INPP4B: variants seen among roughly 807,000 people sequenced by gnomAD.
INPP4B encodes inositol polyphosphate-4-phosphatase type II B.
INPP4B carries 55 observed loss-of-function variants against 122.5 expected under a neutral mutation model. The ratio of observed to expected loss-of-function variants is 0.45; its 90% CI spans 0.36 to 0.56. INPP4B has a LOEUF of 0.56. Ranked by LOEUF, INPP4B falls within the 20% of genes least tolerant of loss-of-function variation. INPP4B has a pLI of 0.00. For synonymous variants in INPP4B, 403 were observed against 388.7 expected, an observed-to-expected ratio of 1.04 and a Z score of -0.43; for missense variants, 1,000 against 1,097.7, an observed-to-expected ratio of 0.91 and a Z score of 1.26.
chr4:142,499,279 A>G (rs1823045867), intron 2 of INPP4B, among the ~76,000 whole-genome samples: 1 of 152,172 alleles, frequency 6.6e-6, no homozygotes, highest in East Asian at 1.9e-4. Flanking sequence ...AGCAAATAAT[A>G]CAGCACTCAG....
intron 3 of INPP4B, among the ~76,000 whole-genome samples, chr4:142,460,807 T>G (rs937104189): frequency 1.3e-5 from 2 of 151,686 alleles, no homozygotes; most frequent in African/African-American, 4.8e-5. Flanking sequence ...AAACTTCTCT[T>G]CCAAAATAAG....
chr4:142,533,927 G>A (rs1329901066), intron 2 of INPP4B, among the ~76,000 whole-genome samples: 1 of 152,176 alleles, frequency 6.6e-6, no homozygotes, highest in Non-Finnish European at 1.5e-5. Flanking sequence ...CCAATGAAAT[G>A]TTAGTAGAAT....
chr4:142,190,721 T>A (rs1465554947), intron 15 of INPP4B, among the ~76,000 whole-genome samples: 3 of 142,314 alleles, frequency 2.1e-5, no homozygotes, highest in African/African-American at 8.1e-5. Context: ...TGTAAGAGTG[T>A]GTGTGTGTGT....
Position 142,824,958 on chromosome 4 carries a change from C to G in INPP4B, c.-254+21251G>C, listed in dbSNP as rs182485500. Among the ~76,000 whole-genome samples, 49 of 151,662 alleles carry G rather than the reference C, an allele frequency of 3.2e-4. No individual in the cohort carries two copies. The East Asian group carries it at 9.3e-3, about 29-fold the overall frequency. ...TTTTTTTAAGTTTTTTTCACTTTGG[C>G]ACTAGAGAATTTAAACTAGGAAATA... is the stretch of plus-strand genomic sequence containing the variant. On this transcript the variant is annotated intron_variant, in intron 1 of 25. Transcript: ENST00000262992.
chr4:142,121,745 A>C (rs1450441409), intron 21 of INPP4B, among the ~76,000 whole-genome samples: 2 of 152,116 alleles, frequency 1.3e-5, no homozygotes, highest in Non-Finnish European at 2.9e-5. Flanking sequence ...CTTTTAACTG[A>C]ATTTAATTTA....
rs199659353 is a variant in INPP4B at position 142,403,013 on chromosome 4, T to C, written c.297A>G (p.Pro99=). 22 of 1,611,566 alleles carry C rather than the reference T, an allele frequency of 1.4e-5. No individual in the cohort carries two copies. Among genetic ancestry groups the C allele is most frequent in the Admixed American group, 1.2e-4 (7 of 59,996 alleles). ...TCTCCTCATAGATGGGATACTCAGA[T>C]GGGAATGTGACACCAGTCAAAAACA... is the stretch of plus-strand genomic sequence containing the variant. ...DPLFLTGVTF[P]SEYPIYEETK... Residue 99 remains proline, a synonymous_variant, in exon 7 of 26, where the codon CCA becomes CCG. Coordinates refer to ENST00000262992, the MANE Select transcript of INPP4B (RefSeq NM_001101669.3).
At chr4:142,077,886 C>G (rs753166962) in intron 25 of INPP4B, among the ~76,000 whole-genome samples, 7 of 151,778 alleles carry the variant, frequency 4.6e-5, no homozygotes, top group Admixed American at 1.3e-4. Flanking sequence ...ATAAAGTAGA[C>G]TTTAGTCAAG....
At chr4:142,388,361 G>C (rs549737598) in intron 7 of INPP4B, among the ~76,000 whole-genome samples, 1 of 150,926 alleles carries the variant, frequency 6.6e-6, no homozygotes, top group African/African-American at 2.5e-5. Flanking sequence ...TCTCTTCTTA[G>C]ATCTTATTTT....
intron 25 of INPP4B, among the ~76,000 whole-genome samples, chr4:142,046,294 C>T (rs558380818): frequency 7.2e-5 from 11 of 152,034 alleles, no homozygotes; most frequent in African/African-American, 1.7e-4. Flanking sequence ...TGAGCATATA[C>T]GATGCTTTAG....
intron 1 of INPP4B, among the ~76,000 whole-genome samples, chr4:142,797,250 ACT>A (rs1489044360): frequency 6.6e-6 from 1 of 152,004 alleles, no homozygotes; most frequent in Non-Finnish European, 1.5e-5. Flanking sequence ...ACAGTAAGTG[ACT>A]GAGCCAAAAT....
intron 2 of INPP4B, among the ~76,000 whole-genome samples, chr4:142,659,752 C>G (rs1453841623): frequency 6.6e-6 from 1 of 152,126 alleles, no homozygotes; most frequent in Non-Finnish European, 1.5e-5. Context: ...CAAATCTTAG[C>G]AAGCATAACT....
At chr4:142,363,631 C>A (rs914369232) in intron 7 of INPP4B, among the ~76,000 whole-genome samples, 1 of 151,830 alleles carries the variant, frequency 6.6e-6, no homozygotes, top group African/African-American at 2.4e-5. Flanking sequence ...CAAGCAGAAC[C>A]AAAATTTCAA....
At chr4:142,054,743 A>T (rs926453528) in intron 25 of INPP4B, among the ~76,000 whole-genome samples, 5 of 152,108 alleles carry the variant, frequency 3.3e-5, no homozygotes, top group Non-Finnish European at 5.9e-5. Context: ...TATCATGCTT[A>T]AATACATCCA....
chr4:142,068,553 C>A (rs1363314234), intron 25 of INPP4B, among the ~76,000 whole-genome samples: 1 of 152,146 alleles, frequency 6.6e-6, no homozygotes, highest in Non-Finnish European at 1.5e-5. Flanking sequence ...GATAAAGAGT[C>A]AAGAGCCATC....
chr4:142,033,709 G>A (rs1035330938), intron 25 of INPP4B, among the ~76,000 whole-genome samples: 18 of 138,580 alleles, frequency 1.3e-4, no homozygotes, highest in African/African-American at 5.0e-4. Context: ...CTGTCACCCA[G>A]GTTGGAGTAC....
intron 2 of INPP4B, among the ~76,000 whole-genome samples, chr4:142,642,341 A>C (rs1220977738): frequency 1.3e-5 from 2 of 152,186 alleles, no homozygotes; most frequent in African/African-American, 4.8e-5. Context: ...AAGTCTTTGC[A>C]CATGCCTATG....
At chr4:142,113,172 T>C (rs1051780094) in intron 21 of INPP4B, among the ~76,000 whole-genome samples, 1 of 152,032 alleles carries the variant, frequency 6.6e-6, no homozygotes, top group African/African-American at 2.4e-5. Flanking sequence ...TTTTATTGCT[T>C]AGAGTGAAAC....
intron 2 of INPP4B, among the ~76,000 whole-genome samples, chr4:142,688,658 G>T (rs1443710056): frequency 6.6e-6 from 1 of 152,120 alleles, no homozygotes; most frequent in Non-Finnish European, 1.5e-5. Flanking sequence ...GAGGAAATTT[G>T]AAAGAAAGAT....
intron 3 of INPP4B, among the ~76,000 whole-genome samples, chr4:142,461,062 T>C (rs1816637893): frequency 6.6e-6 from 1 of 152,012 alleles, no homozygotes; most frequent in Non-Finnish European, 1.5e-5. Flanking sequence ...TCCCTGCTAC[T>C]GAGAGAGGTT....
Sources: allele counts gnomAD v4.1 joint callset (sites outside exome capture counted in the v4.1 genomes callset), GRCh38; gene constraint gnomAD v4.1.1; transcripts MANE v1.5; gene names NCBI Gene and HGNC (gene_info 2026-07-23, HGNC 2026-07-21).